Variants in KCTD8 observed in about 807,000 individuals in gnomAD.
KCTD8 encodes the protein BTB/POZ domain-containing protein KCTD8.
KCTD8 carries 27 observed loss-of-function variants against 31.5 expected under a neutral mutation model. That is an observed-to-expected ratio of 0.86 (90% CI 0.63 to 1.18). The LOEUF is 1.18. Ranked by LOEUF, KCTD8 falls within the 50% of genes most tolerant of loss-of-function variation. KCTD8 has a pLI of 0.00. For missense variants in KCTD8, 658 were observed against 647.7 expected (o/e 1.02, Z -0.17); for synonymous variants, 290 against 280.0 (o/e 1.04, Z -0.36).
chr4:44,299,599 G>GT (rs1482803042), intron 1 of KCTD8, among the ~76,000 whole-genome samples: 1 of 151,872 alleles, frequency 6.6e-6, no homozygotes, highest in Non-Finnish European at 1.5e-5. Context: ...GTGGTGGCAA[G>GT]TGCCTGTATT....
At chr4:44,325,526 C>T (rs536148304) in intron 1 of KCTD8, among the ~76,000 whole-genome samples, 5 of 151,822 alleles carry the variant, frequency 3.3e-5, no homozygotes, top group Non-Finnish European at 7.4e-5. Context: ...AGGATACATG[C>T]TTGAGGGAAT....
At chr4:44,267,126 T>C (rs1018634839) in intron 1 of KCTD8, among the ~76,000 whole-genome samples, 3 of 152,114 alleles carry the variant, frequency 2.0e-5, no homozygotes, top group Non-Finnish European at 4.4e-5. Context: ...TATTCCAAAA[T>C]TGACCACATA....
At chr4:44,340,615 T>C (rs1025525710) in intron 1 of KCTD8, among the ~76,000 whole-genome samples, 1 of 151,966 alleles carries the variant, frequency 6.6e-6, no homozygotes, top group East Asian at 1.9e-4. Flanking sequence ...GGCCGACATA[T>C]GTACATTTTA....
intron 1 of KCTD8, among the ~76,000 whole-genome samples, chr4:44,313,619 C>T (rs1347840706): frequency 6.6e-6 from 1 of 152,088 alleles, no homozygotes; most frequent in East Asian, 1.9e-4. Context: ...TAAGCCAGGT[C>T]CTGTTTAGGA....
At position 44,173,948 on chromosome 4, in the gene KCTD8, C is replaced by T. The variant is rs1462081334; in HGVS notation, c.*842G>A. ...TTTAATAAATACATAAAGCTCTTTA[C>T]CATTTCCCTCTATTATTTTGATTAA... On this transcript the variant is annotated 3_prime_UTR_variant, in exon 2 of 2. Transcript: ENST00000360029. 2 of 151,938 alleles carry T rather than the reference C, an allele frequency of 1.3e-5. No homozygotes were observed. Among genetic ancestry groups the T allele is most frequent in the Non-Finnish European group, 2.9e-5 (2 of 67,954 alleles). The allele number at this position is 151,938 out of a possible 1,614,324, so 9.4% of individuals were successfully genotyped here. A position where few individuals can be genotyped will look rare whatever the true frequency, so the allele number is the denominator to read the frequency against.
intron 1 of KCTD8, among the ~76,000 whole-genome samples, chr4:44,323,360 G>A (rs1718349118): frequency 6.6e-6 from 1 of 151,680 alleles, no homozygotes; most frequent in African/African-American, 2.4e-5. Context: ...CATGTGTAGT[G>A]GCTGGCGCCT....
chr4:44,384,549 C>A (rs1720158389), intron 1 of KCTD8, among the ~76,000 whole-genome samples: 1 of 151,678 alleles, frequency 6.6e-6, no homozygotes, highest in Non-Finnish European at 1.5e-5. Flanking sequence ...TATCACATGT[C>A]CTAATTCATA....
In KCTD8 at chr4:44,175,259, G is replaced by C; in HGVS notation, c.962-9C>G. ...TATTTTCTGAGGTGGTCCTAAAAAG[G>C]AGGAAAAAAAAAGAAGAAGAGTAGA... is the stretch of plus-strand genomic sequence containing the variant. On this transcript the variant is annotated splice_polypyrimidine_tract_variant and intron_variant, in intron 1 of 1. Transcript: ENST00000360029. The C allele has an allele frequency of 2.0e-6, 3 of 1,472,252 alleles. No individual in the cohort carries two copies. The highest frequency in any genetic ancestry group is 2.7e-6 in the Non-Finnish European group (3 of 1,099,656). The allele number at this position is 1,472,252 out of a possible 1,614,324, so 91.2% of individuals were successfully genotyped here. A position where few individuals can be genotyped will look rare whatever the true frequency, so the allele number is the denominator to read the frequency against.
At chr4:44,233,387 T>C (rs980751529) in intron 1 of KCTD8, among the ~76,000 whole-genome samples, 1 of 152,200 alleles carries the variant, frequency 6.6e-6, no homozygotes, top group Admixed American at 6.5e-5. Flanking sequence ...TAATCACAAA[T>C]ACAATTTGTT....
At chr4:44,202,570 TAA>T (rs1449102553) in intron 1 of KCTD8, among the ~76,000 whole-genome samples, 1 of 152,050 alleles carries the variant, frequency 6.6e-6, no homozygotes, top group African/African-American at 2.4e-5. Flanking sequence ...AAGTGGGAGC[TAA>T]ACATTGAATA....
intron 1 of KCTD8, among the ~76,000 whole-genome samples, chr4:44,349,074 A>ACCG (rs1553902847): frequency 1.7e-5 from 2 of 121,094 alleles, no homozygotes; most frequent in East Asian, 2.2e-4. Flanking sequence ...TGCCACCGCC[A>ACCG]CCACCACCAC....
intron 1 of KCTD8, among the ~76,000 whole-genome samples, chr4:44,426,236 G>A (rs553210614): frequency 6.6e-6 from 1 of 151,762 alleles, no homozygotes; most frequent in South Asian, 2.1e-4. Context: ...CTCTAAAAAG[G>A]CCACAGAGGA....
At chr4:44,441,672 A>C (rs993359345) in intron 1 of KCTD8, among the ~76,000 whole-genome samples, 17 of 152,218 alleles carry the variant, frequency 1.1e-4, no homozygotes, top group Non-Finnish European at 2.1e-4. Flanking sequence ...TCTATGAACC[A>C]GGGATGTTAC....
intron 1 of KCTD8, among the ~76,000 whole-genome samples, chr4:44,374,065 C>T (rs1719858798): frequency 6.6e-6 from 1 of 152,278 alleles, no homozygotes; most frequent in East Asian, 1.9e-4. Context: ...ACAATTTTGG[C>T]AATCTCCAAA....
intron 1 of KCTD8, among the ~76,000 whole-genome samples, chr4:44,274,377 T>C (rs1297077388): frequency 6.6e-6 from 1 of 151,880 alleles, no homozygotes; most frequent in African/African-American, 2.4e-5. Context: ...TTTTTGCCAT[T>C]ACTTTTAATG....
intron 1 of KCTD8, among the ~76,000 whole-genome samples, chr4:44,264,676 C>T (rs1462378117): frequency 6.6e-6 from 1 of 151,800 alleles, no homozygotes. Flanking sequence ...TCGGGTCACT[C>T]CCCCCCGAAT....
chr4:44,389,338 C>T (rs1720309612), intron 1 of KCTD8, among the ~76,000 whole-genome samples: 1 of 151,642 alleles, frequency 6.6e-6, no homozygotes, highest in Non-Finnish European at 1.5e-5. Context: ...ACCTCATTTA[C>T]CCTGGTGTTA....
At chr4:44,265,336 T>G (rs1716312899) in intron 1 of KCTD8, among the ~76,000 whole-genome samples, 1 of 152,090 alleles carries the variant, frequency 6.6e-6, no homozygotes, top group Admixed American at 6.5e-5. Context: ...GAGGGTACTG[T>G]ATGTTAGAAG....
At chr4:44,229,505 G>A (rs932389106) in intron 1 of KCTD8, among the ~76,000 whole-genome samples, 2 of 152,186 alleles carry the variant, frequency 1.3e-5, no homozygotes, top group Non-Finnish European at 2.9e-5. Flanking sequence ...CTTCCCAAGG[G>A]TAAGGAGGGC....
Sources: allele counts gnomAD v4.1 joint callset (sites outside exome capture counted in the v4.1 genomes callset), GRCh38; gene constraint gnomAD v4.1.1; transcripts MANE v1.5; gene names NCBI Gene and HGNC (gene_info 2026-07-23, HGNC 2026-07-21).